The following C12orf42 variants were observed in gnomAD, a reference collection of about 807,000 sequenced individuals.
The protein encoded by C12orf42 is chromosome 12 open reading frame 42.
Under a neutral mutation model 21.6 loss-of-function variants are expected in C12orf42, and 25 were observed. The ratio of observed to expected loss-of-function variants is 1.16; its 90% CI spans 0.84 to 1.62. The LOEUF is 1.62. Among genes scored for constraint, C12orf42 ranks in the 40% most tolerant of loss-of-function variants. C12orf42 has a pLI of 0.00. For synonymous variants in C12orf42, 174 were observed against 175.0 expected (o/e 0.99, Z 0.05); for missense variants, 483 against 459.3 (o/e 1.05, Z -0.47).
the C12orf42 span, among the ~76,000 whole-genome samples, chr12:103,187,432 C>T: frequency 6.6e-6 from 1 of 152,144 alleles, no homozygotes; most frequent in African/African-American, 2.4e-5. Context: ...CTTTTACTAC[C>T]AAGCTAAGCT....
the C12orf42 span, among the ~76,000 whole-genome samples, chr12:103,509,265 G>A: frequency 6.6e-6 from 1 of 152,048 alleles, no homozygotes; most frequent in East Asian, 1.9e-4. Context: ...ATTTGTTACT[G>A]AAGAATCAGG....
chr12:103,553,080 G>C, the C12orf42 span, among the ~76,000 whole-genome samples: 1 of 152,116 alleles, frequency 6.6e-6, no homozygotes, highest in African/African-American at 2.4e-5. Flanking sequence ...CACAAAGCCT[G>C]ACCATATCAG....
chr12:103,374,404 G>A (rs559601652), intron 3 of C12orf42, among the ~76,000 whole-genome samples: 1 of 152,246 alleles, frequency 6.6e-6, no homozygotes, highest in African/African-American at 2.4e-5. Context: ...TGATTGTGAG[G>A]ATGGTAGAGT....
intron 4 of C12orf42, among the ~76,000 whole-genome samples, chr12:103,286,571 T>C (rs1731922881): frequency 6.6e-6 from 1 of 151,280 alleles, no homozygotes; most frequent in South Asian, 2.1e-4. Context: ...CAGTATACTT[T>C]AGCCATTATT....
At chr12:103,148,818 C>T in the C12orf42 span, among the ~76,000 whole-genome samples, 1 of 152,128 alleles carries the variant, frequency 6.6e-6, no homozygotes, top group East Asian at 1.9e-4. Context: ...AAATCATGCT[C>T]AATCTTGAAC....
the C12orf42 span, among the ~76,000 whole-genome samples, chr12:103,145,133 C>A: frequency 3.9e-5 from 6 of 152,104 alleles, no homozygotes; most frequent in Non-Finnish European, 7.4e-5. Flanking sequence ...GGAGAGTCCC[C>A]GTCTCCCCAA....
At chr12:103,337,750 A>G (rs193209744) in intron 4 of C12orf42, among the ~76,000 whole-genome samples, 91 of 152,212 alleles carry the variant, frequency 6.0e-4, no homozygotes, top group Non-Finnish European at 1.0e-3. Context: ...AACCTTCTCT[A>G]TTCTCCTCAG....
intron 10 of C12orf42, among the ~76,000 whole-genome samples, chr12:103,252,399 C>T (rs546558186): frequency 1.3e-5 from 2 of 152,318 alleles, no homozygotes; most frequent in East Asian, 1.9e-4. Context: ...AACTAATTTA[C>T]ACTCCTACCA....
intron 4 of C12orf42, among the ~76,000 whole-genome samples, chr12:103,283,757 T>C (rs924216796): frequency 6.6e-6 from 1 of 152,228 alleles, no homozygotes; most frequent in Admixed American, 6.5e-5. Context: ...GGCAATGTCT[T>C]TGTGCACCAA....
At chr12:103,498,526 C>G (rs1251357552), upstream of C12orf42, among the ~76,000 whole-genome samples, 2 of 152,096 alleles carry the variant, frequency 1.3e-5, no homozygotes, top group African/African-American at 4.8e-5. Context: ...TATGGATGAG[C>G]CTAGAGGACA....
chr12:103,227,358 C>T, the C12orf42 span, among the ~76,000 whole-genome samples: 39 of 144,428 alleles, frequency 2.7e-4, no homozygotes, highest in African/African-American at 7.3e-4. Flanking sequence ...GATAAGAGGT[C>T]GGGGTGAGGA....
the C12orf42 span, among the ~76,000 whole-genome samples, chr12:103,531,545 T>C: frequency 1.4e-3 from 207 of 152,210 alleles, 1 homozygote; most frequent in Non-Finnish European, 4.1e-4. Flanking sequence ...ACCAGAGATA[T>C]TGAGATCACT....
the C12orf42 span, among the ~76,000 whole-genome samples, chr12:103,205,659 AAG>A: frequency 1.4e-5 from 1 of 69,940 alleles, no homozygotes; most frequent in South Asian, 6.1e-4. Context: ...CATATGCACC[AAG>A]AGACATTTAT....
intron 2 of C12orf42, among the ~76,000 whole-genome samples, chr12:103,437,322 C>T (rs566399529): frequency 6.6e-6 from 1 of 152,126 alleles, no homozygotes; most frequent in Admixed American, 6.5e-5. Flanking sequence ...AAAATTGACA[C>T]CCTAACATCA....
At chr12:103,127,532 C>G in the C12orf42 span, among the ~76,000 whole-genome samples, 3 of 151,996 alleles carry the variant, frequency 2.0e-5, no homozygotes, top group African/African-American at 7.3e-5. Flanking sequence ...TACATACATA[C>G]ATACATGAGA....
chr12:103,353,057 G>T (rs927582267), intron 4 of C12orf42, among the ~76,000 whole-genome samples: 8 of 152,074 alleles, frequency 5.3e-5, no homozygotes, highest in Admixed American at 3.9e-4. Flanking sequence ...TTTAGCCTTT[G>T]CTTTTGTTTG....
chr12:103,552,673 A>G, the C12orf42 span, among the ~76,000 whole-genome samples: 4 of 152,186 alleles, frequency 2.6e-5, no homozygotes, highest in South Asian at 8.3e-4. Flanking sequence ...GTCACTGGTG[A>G]GCACATGGGT....
the C12orf42 span, among the ~76,000 whole-genome samples, chr12:103,093,904 T>C: frequency 6.6e-6 from 1 of 152,228 alleles, no homozygotes; most frequent in Non-Finnish European, 1.5e-5. Context: ...CTCCTTTCAC[T>C]GACTTTGCTA....
At chr12:103,368,163 G>A (rs542939982) in intron 4 of C12orf42, 3 of 689,928 alleles carry the variant, frequency 4.3e-6, no homozygotes, top group Admixed American at 2.3e-5. Flanking sequence ...TGGTGACAAT[G>A]TTATGGGGAA....
Sources: allele counts gnomAD v4.1 joint callset (sites outside exome capture counted in the v4.1 genomes callset), GRCh38; gene constraint gnomAD v4.1.1; transcripts MANE v1.5; gene names NCBI Gene and HGNC (gene_info 2026-07-23, HGNC 2026-07-21).